The following JMY variants were observed in gnomAD, a reference collection of about 807,000 sequenced individuals.
JMY encodes junction mediating and regulatory protein, p53 cofactor, also known as junction-mediating and -regulatory protein.
A neutral mutation model predicts 103.3 loss-of-function variants in JMY; 46 were observed. That is an observed-to-expected ratio of 0.45 (90% CI 0.35 to 0.57). The LOEUF is 0.57. Ranked by LOEUF, JMY falls within the 20% of genes least tolerant of loss-of-function variation. The pLI is 0.00. For synonymous variants in JMY, 526 were observed against 489.3 expected (o/e 1.07, Z -0.99); for missense variants, 1,238 against 1,255.2 (o/e 0.99, Z 0.21).
chr5:79,298,126 G>A (rs769090169), intron 4 of JMY, among the ~76,000 whole-genome samples: 3 of 152,154 alleles, frequency 2.0e-5, no homozygotes, highest in Non-Finnish European at 4.4e-5. Flanking sequence ...GAACTTAGCA[G>A]AGCATCATGA....
chr5:79,300,562 AG>A, intron 5 of JMY, 113 bp from the exon 6 acceptor site: 1 of 827,330 alleles, frequency 1.2e-6, no homozygotes, highest in East Asian at 2.8e-5. Context: ...AAGAAGCTTA[AG>A]AGATAATGGC....
chr5:79,246,269 T>G (rs1744897387), intron 1 of JMY, among the ~76,000 whole-genome samples: 1 of 152,212 alleles, frequency 6.6e-6, no homozygotes, highest in South Asian at 2.1e-4. Flanking sequence ...CTTGCCGTCC[T>G]ATCTAGATGA....
intron 1 of JMY, among the ~76,000 whole-genome samples, chr5:79,268,237 CCTGT>C (rs1258359534): frequency 1.3e-5 from 2 of 152,044 alleles, no homozygotes; most frequent in Admixed American, 6.6e-5. Flanking sequence ...TGAGATCCTG[CCTGT>C]CTATCTCTCA....
chr5:79,289,780 G>A (rs1479020558), intron 2 of JMY, among the ~76,000 whole-genome samples: 1 of 151,806 alleles, frequency 6.6e-6, no homozygotes, highest in African/African-American at 2.4e-5. Flanking sequence ...TAATTTGGGG[G>A]GGGGCATAAA....
chr5:79,313,792 T>C (rs895593764), intron 8 of JMY, among the ~76,000 whole-genome samples: 23 of 152,248 alleles, frequency 1.5e-4, no homozygotes, highest in African/African-American at 5.3e-4. Flanking sequence ...AAATTCATAA[T>C]TGTTTGTAAG....
intron 7 of JMY, among the ~76,000 whole-genome samples, chr5:79,311,198 C>T (rs1037251625): frequency 5.5e-5 from 8 of 145,596 alleles, no homozygotes; most frequent in Non-Finnish European, 7.4e-5. Flanking sequence ...GTTGCTCAGG[C>T]TGGTCTTCAA....
intron 2 of JMY, among the ~76,000 whole-genome samples, chr5:79,289,381 T>TC (rs1269226517): frequency 6.6e-6 from 1 of 152,048 alleles, no homozygotes; most frequent in South Asian, 2.1e-4. Flanking sequence ...GTTTTTTTTT[T>TC]AATTTATCCT....
intron 1 of JMY, among the ~76,000 whole-genome samples, chr5:79,244,658 ATTT>A (rs369361981): frequency 7.0e-6 from 1 of 142,976 alleles, no homozygotes; most frequent in Admixed American, 6.9e-5. Flanking sequence ...ATGTGTGCCT[ATTT>A]TTTTTTTTTT....
At chr5:79,319,994 C>G (rs1181835367) in intron 10 of JMY, among the ~76,000 whole-genome samples, 1 of 152,136 alleles carries the variant, frequency 6.6e-6, no homozygotes, top group Non-Finnish European at 1.5e-5. Context: ...TGTTCGTTCC[C>G]CTCTGAAACT....
At chr5:79,287,484 T>A (rs928984888) in intron 2 of JMY, among the ~76,000 whole-genome samples, 2 of 152,104 alleles carry the variant, frequency 1.3e-5, no homozygotes, top group Non-Finnish European at 2.9e-5. Context: ...TGCTGAGTTT[T>A]AAAAGTCAGT....
intron 1 of JMY, among the ~76,000 whole-genome samples, chr5:79,265,836 A>C (rs1745572005): frequency 7.0e-6 from 1 of 143,374 alleles, no homozygotes; most frequent in Non-Finnish European, 1.5e-5. Context: ...GCTGGAGTGC[A>C]GTGGCACGAT....
chr5:79,272,917 C>G (rs183327971), intron 1 of JMY, among the ~76,000 whole-genome samples: 1 of 152,128 alleles, frequency 6.6e-6, no homozygotes, highest in East Asian at 1.9e-4. Context: ...ATTACAGGCA[C>G]GAGCCACTGC....
chr5:79,278,047 G>A lies in JMY; in HGVS notation c.1170G>A (p.Met390Ile), dbSNP rs754674187. Residue 390 changes from methionine to isoleucine, a missense_variant, in exon 2 of 11, where the codon ATG becomes ATA. Coordinates refer to ENST00000396137, the MANE Select transcript of JMY (RefSeq NM_152405.5). ...ATTTACTACAGCCATTCCGAGACAT[G>A]AGAGAACTTGCCATGCTACGAAGAC... ...YQYLLQPFRD[M>I]RELAMLRRQQ... The A allele has an allele frequency of 6.2e-7, 1 of 1,613,684 alleles. No individual in the cohort carries two copies. Among genetic ancestry groups the A allele is most frequent in the East Asian group, 2.2e-5 (1 of 44,852 alleles).
intron 2 of JMY, among the ~76,000 whole-genome samples, chr5:79,282,734 AACTT>A (rs1746155732): frequency 6.6e-6 from 1 of 152,180 alleles, no homozygotes; most frequent in Non-Finnish European, 1.5e-5. Flanking sequence ...TATTGGCACT[AACTT>A]AATTGAATCT....
chr5:79,238,731 T>C (rs1325003641), intron 1 of JMY, among the ~76,000 whole-genome samples: 1 of 138,614 alleles, frequency 7.2e-6, no homozygotes, highest in East Asian at 2.3e-4. Context: ...CACTGCAGCC[T>C]CCCCCTCCCG....
intron 7 of JMY, among the ~76,000 whole-genome samples, chr5:79,307,516 T>TTGCCCAGGTTAGC (rs1423583339): frequency 1.3e-5 from 2 of 152,080 alleles, no homozygotes; most frequent in Non-Finnish European, 2.9e-5. Context: ...TCTTGATAGG[T>TTGCCCAGGTTAGC]TGCCCAGGTT....
chr5:79,238,376 C>T (rs974014177), intron 1 of JMY, among the ~76,000 whole-genome samples: 10 of 151,570 alleles, frequency 6.6e-5, no homozygotes, highest in African/African-American at 2.4e-4. Context: ...AGTACAAAAG[C>T]CTTTTCAAAC....
intron 1 of JMY, among the ~76,000 whole-genome samples, chr5:79,274,342 A>G (rs1048933412): frequency 6.6e-6 from 1 of 151,528 alleles, no homozygotes; most frequent in Non-Finnish European, 1.5e-5. Flanking sequence ...TGTTAAATCC[A>G]TATCTGTTTC....
intron 1 of JMY, among the ~76,000 whole-genome samples, chr5:79,246,335 C>T (rs1744901374): frequency 6.6e-6 from 1 of 152,148 alleles, no homozygotes; most frequent in African/African-American, 2.4e-5. Flanking sequence ...ATGTATATAA[C>T]AAGTTTTCAA....
Sources: gnomAD v4.1 joint callset for allele counts (sites outside exome capture counted in the v4.1 genomes callset) on GRCh38, gnomAD v4.1.1 for gene constraint, MANE v1.5 for transcripts, NCBI Gene and HGNC (gene_info 2026-07-23, HGNC 2026-07-21) for gene names.